ETV1: variants seen among roughly 807,000 people sequenced by gnomAD.
ETV1 encodes the protein ETS variant transcription factor 1, also known as ETS translocation variant 1.
A neutral mutation model predicts 62.3 loss-of-function variants in ETV1; 27 were observed. The ratio of observed to expected loss-of-function variants is 0.43; its 90% confidence interval spans 0.32 to 0.60. The LOEUF is 0.60. Among genes scored for constraint, ETV1 ranks in the 20% least tolerant of loss-of-function variants. The probability of loss-of-function intolerance (pLI) is 0.06; values close to 1 mark genes in which losing one functional copy is unlikely to be tolerated. For missense variants in ETV1, 605 were observed against 605.8 expected (o/e 1.00, Z 0.01); for synonymous variants, 222 against 199.6 (o/e 1.11, Z -0.94).
At chr7:13,920,784 G>C (rs1784757964) in intron 9 of ETV1, among the ~76,000 whole-genome samples, 1 of 152,322 alleles carries the variant, frequency 6.6e-6, no homozygotes, top group Middle Eastern at 3.4e-3. Flanking sequence ...AACTGATATA[G>C]TGGGCCAGAG....
chr7:13,916,961 G>T lies in ETV1; in HGVS notation c.803-5654C>A, dbSNP rs143279959. Among the ~76,000 whole-genome samples the T allele has an allele frequency of 5.9e-3, 888 of 151,020 alleles. 5 individuals carry two copies. The highest frequency in any genetic ancestry group is 0.018 in the African/African-American group (754 of 41,264). ...AAAAAAAAAGTAAAAGTAAAGTAAA[G>T]AAAGAAAAAGTAAAAGTAGAATAAG... On this transcript the variant is annotated intron_variant, in intron 9 of 13. Coordinates refer to ENST00000430479, the MANE Select transcript of ETV1 (RefSeq NM_004956.5).
At position 13,894,789 on chromosome 7, in the gene ETV1, T is replaced by C. The variant is rs1185564681; in HGVS notation, c.*1077A>G. ...ATTAGCATTATCTAATATTTATATA[T>C]GTTATCAACATAACACAGCAGTAAA... On this transcript the variant is annotated 3_prime_UTR_variant, in exon 14 of 14. Coordinates refer to ENST00000430479, the MANE Select transcript of ETV1 (RefSeq NM_004956.5). The C allele has an allele frequency of 4.3e-6, 1 of 232,630 alleles. No individual in the cohort carries two copies. Among genetic ancestry groups the C allele is most frequent in the African/African-American group, 2.2e-5 (1 of 45,310 alleles). 14.4% of individuals were successfully genotyped at this position (232,630 alleles called of 1,614,324 possible).
At position 13,892,245 on chromosome 7, in the gene ETV1, T is replaced by C. The variant is rs1167335576; in HGVS notation, c.*3621A>G. The C allele has an allele frequency of 4.3e-6, 1 of 232,518 alleles. No homozygotes were observed. Among genetic ancestry groups the C allele is most frequent in the African/African-American group, 2.2e-5 (1 of 45,316 alleles). The allele number at this position is 232,518 out of a possible 1,614,324, so 14.4% of individuals were successfully genotyped here. The stretch of plus-strand genomic sequence containing the variant: ...ACTGATTTAACTGTTATTACTATTA[T>C]TATCATACCTTCTGTTTTTCTGTTT... On this transcript the variant is annotated 3_prime_UTR_variant, in exon 14 of 14. Transcript: ENST00000430479.
chr7:13,933,669 G>A (rs1363912712), intron 8 of ETV1, among the ~76,000 whole-genome samples: 1 of 151,996 alleles, frequency 6.6e-6, no homozygotes, highest in Non-Finnish European at 1.5e-5. Context: ...TATAACTGAG[G>A]GACTGTCATT....
At chr7:13,942,546 C>G (rs923124880) in intron 6 of ETV1, among the ~76,000 whole-genome samples, 1 of 151,976 alleles carries the variant, frequency 6.6e-6, no homozygotes, top group African/African-American at 2.4e-5. Context: ...TTTTTCTGAC[C>G]CTCTTCGCTT....
At chr7:13,920,085 C>A (rs1784663302) in intron 9 of ETV1, among the ~76,000 whole-genome samples, 1 of 152,138 alleles carries the variant, frequency 6.6e-6, no homozygotes, top group African/African-American at 2.4e-5. Context: ...TAAAAGCACA[C>A]TCCACCCCCT....
chr7:13,943,595 G>C (rs1199894060), intron 6 of ETV1, among the ~76,000 whole-genome samples: 1 of 152,066 alleles, frequency 6.6e-6, no homozygotes, highest in Non-Finnish European at 1.5e-5. Flanking sequence ...ATTCATGATA[G>C]CAAAAACTGG....
intron 13 of ETV1, among the ~76,000 whole-genome samples, chr7:13,896,752 G>GAAAGAAAGAAAGAAAC (rs1781857145): frequency 3.2e-5 from 3 of 94,724 alleles, no homozygotes; most frequent in Non-Finnish European, 6.6e-5. Flanking sequence ...AGGAAAGAAA[G>GAAAGAAAGAAAGAAAC]AAAGAAAGAA....
intron 8 of ETV1, among the ~76,000 whole-genome samples, chr7:13,932,195 T>C (rs1786265615): frequency 1.3e-5 from 2 of 152,088 alleles, no homozygotes; most frequent in Admixed American, 1.3e-4. Context: ...TTTAATTCTG[T>C]TACCAAACTG....
intron 9 of ETV1, among the ~76,000 whole-genome samples, chr7:13,930,251 C>T (rs1450571353): frequency 6.6e-6 from 1 of 152,172 alleles, no homozygotes; most frequent in African/African-American, 2.4e-5. Flanking sequence ...GAAGGAAAAA[C>T]TCAGCAGGGT....
At chr7:13,927,009 G>C (rs1785502192) in intron 9 of ETV1, among the ~76,000 whole-genome samples, 1 of 152,068 alleles carries the variant, frequency 6.6e-6, no homozygotes, top group Non-Finnish European at 1.5e-5. Context: ...CTTTATTAGA[G>C]CACAATCATA....
At chr7:13,959,778 G>A (rs866502862) in intron 6 of ETV1, among the ~76,000 whole-genome samples, 22 of 151,212 alleles carry the variant, frequency 1.5e-4, no homozygotes, top group South Asian at 2.1e-4. Context: ...ACCTACTCGG[G>A]AGGCTGAGGC....
intron 5 of ETV1, among the ~76,000 whole-genome samples, chr7:13,983,637 C>G (rs1376584900): frequency 7.3e-6 from 1 of 137,616 alleles, no homozygotes; most frequent in African/African-American, 2.7e-5. Context: ...TTTTTTTTAA[C>G]TACTGTGGTT....
At chr7:13,899,084 C>T (rs977537905) in intron 13 of ETV1, among the ~76,000 whole-genome samples, 4 of 152,202 alleles carry the variant, frequency 2.6e-5, no homozygotes, top group African/African-American at 9.6e-5. Flanking sequence ...GGCTAGCATT[C>T]AAACCTAATT....
chr7:13,937,938 A>G (rs1283514676), intron 7 of ETV1, among the ~76,000 whole-genome samples: 2 of 152,136 alleles, frequency 1.3e-5, no homozygotes, highest in Non-Finnish European at 2.9e-5. Flanking sequence ...ATAATGGCAC[A>G]AGTCTATGTT....
chr7:13,945,758 T>C (rs1420901695), intron 6 of ETV1, among the ~76,000 whole-genome samples: 1 of 152,178 alleles, frequency 6.6e-6, no homozygotes, highest in African/African-American at 2.4e-5. Flanking sequence ...CTGAGTCTGC[T>C]AACAGGCGGT....
At chr7:13,946,656 C>G (rs866520272) in intron 6 of ETV1, among the ~76,000 whole-genome samples, 4 of 152,112 alleles carry the variant, frequency 2.6e-5, no homozygotes, top group Admixed American at 2.0e-4. Flanking sequence ...CCTGAGCTTT[C>G]TAAAAGCAAC....
chr7:13,957,482 T>A (rs1789620540), intron 6 of ETV1, among the ~76,000 whole-genome samples: 1 of 152,226 alleles, frequency 6.6e-6, no homozygotes, highest in Non-Finnish European at 1.5e-5. Context: ...ATAGGGATAA[T>A]CATTTTTCCA....
chr7:13,991,018 C>G (rs1782979288), upstream of ETV1: 2 of 152,394 alleles, frequency 1.3e-5, no homozygotes, highest in African/African-American at 4.8e-5. Flanking sequence ...AACAAACAAA[C>G]AATCAACACT....
Sources: allele counts gnomAD v4.1 joint callset (sites outside exome capture counted in the v4.1 genomes callset), GRCh38; gene constraint gnomAD v4.1.1; transcripts MANE v1.5; gene names NCBI Gene and HGNC (gene_info 2026-07-23, HGNC 2026-07-21).